CLDN14: variants seen among roughly 807,000 people sequenced by gnomAD.
CLDN14 encodes the protein claudin 14.
A neutral mutation model predicts 2.1 loss-of-function variants in CLDN14; 2 were observed. That is an observed-to-expected ratio of 0.96 (90% CI 0.39 to 3.01). The LOEUF (loss-of-function observed/expected upper bound fraction) is 3.01, where lower values mean the gene tolerates loss of function less well. Ranked by LOEUF, CLDN14 falls within the 30% of genes most tolerant of loss-of-function variation. The pLI is 0.09. For missense variants in CLDN14, 298 were observed against 328.0 expected, an observed-to-expected ratio of 0.91 and a Z score of 0.71; for synonymous variants, 136 against 154.4, an observed-to-expected ratio of 0.88 and a Z score of 0.88.
At chr21:36,500,450 TAGAC>T (rs1369168456) in intron 2 of CLDN14, among the ~76,000 whole-genome samples, 1 of 152,244 alleles carries the variant, frequency 6.6e-6, no homozygotes, top group Non-Finnish European at 1.5e-5. Context: ...ATTTTAAATT[TAGAC>T]AGAGTCTTGT....
At chr21:36,569,463 A>G (rs2087693928) in intron 1 of CLDN14, among the ~76,000 whole-genome samples, 1 of 152,326 alleles carries the variant, frequency 6.6e-6, no homozygotes, top group African/African-American at 2.4e-5. Flanking sequence ...TAGGCTATAT[A>G]TCAGCATTAC....
intron 1 of CLDN14, among the ~76,000 whole-genome samples, chr21:36,523,873 G>A (rs1169668892): frequency 6.6e-6 from 1 of 151,906 alleles, no homozygotes; most frequent in African/African-American, 2.4e-5. Context: ...AATAACAGGT[G>A]GGAAGGGACT....
At chr21:36,490,385 A>ATTTTTTTTTTTT (rs71198817) in intron 2 of CLDN14, among the ~76,000 whole-genome samples, 44 of 102,046 alleles carry the variant, frequency 4.3e-4, no homozygotes, top group African/African-American at 7.5e-4. Context: ...TTTTTTTTTA[A>ATTTTTTTTTTTT]TTTTTTTTTT....
chr21:36,542,319 G>A (rs912022686), intron 1 of CLDN14, among the ~76,000 whole-genome samples: 1 of 152,178 alleles, frequency 6.6e-6, no homozygotes, highest in Admixed American at 6.5e-5. Context: ...CACGCTGCCC[G>A]GAAAATTCTG....
At chr21:36,533,963 C>T (rs1188872492) in intron 1 of CLDN14, among the ~76,000 whole-genome samples, 2 of 152,118 alleles carry the variant, frequency 1.3e-5, no homozygotes, top group Non-Finnish European at 2.9e-5. Flanking sequence ...CCTATATAAC[C>T]GACCTGCACA....
intron 1 of CLDN14, among the ~76,000 whole-genome samples, chr21:36,469,807 T>C (rs2086687759): frequency 6.6e-6 from 1 of 152,152 alleles, no homozygotes; most frequent in Non-Finnish European, 1.5e-5. Context: ...CTCACCAAAT[T>C]TCATTAGAAT....
At chr21:36,485,627 C>G (rs1314555562) in intron 2 of CLDN14, among the ~76,000 whole-genome samples, 1 of 152,202 alleles carries the variant, frequency 6.6e-6, no homozygotes, top group Admixed American at 6.5e-5. Context: ...AGTTCATTTC[C>G]AAATACAGAG....
intron 2 of CLDN14, among the ~76,000 whole-genome samples, chr21:36,492,796 G>C (rs1368175591): frequency 6.6e-6 from 1 of 152,226 alleles, no homozygotes; most frequent in East Asian, 1.9e-4. Flanking sequence ...AGGAGACCTG[G>C]AGCCACCAGG....
In CLDN14 at chr21:36,469,111, G is replaced by A. The variant is rs375908807; in HGVS notation, c.-81-7335C>T. Among the ~76,000 whole-genome samples, 15 of 152,244 alleles carry A rather than the reference G, an allele frequency of 9.9e-5. No homozygotes were observed. The East Asian group carries it at 1.7e-3, about 18-fold the overall frequency. On this transcript the variant is annotated intron_variant, in intron 1 of 1. Transcript: ENST00000399135. ...TGGACACTGTGTTTCTTAATCATGT[G>A]CGAAACAAACGCATATCTTTTCAAG...
chr21:36,575,954 C>T (rs1191320337), intron 1 of CLDN14, among the ~76,000 whole-genome samples: 3 of 152,148 alleles, frequency 2.0e-5, no homozygotes, highest in South Asian at 2.1e-4. Flanking sequence ...CATCCAGAAA[C>T]GCATTGAATT....
intron 1 of CLDN14, among the ~76,000 whole-genome samples, chr21:36,514,070 G>T (rs1199277151): frequency 6.6e-6 from 1 of 151,910 alleles, no homozygotes; most frequent in African/African-American, 2.4e-5. Context: ...TGCCCAGGCT[G>T]GTCTCAAACT....
In CLDN14 at chr21:36,461,510, G is replaced by T. The variant is rs1234859445; in HGVS notation, c.186C>A (p.Tyr62Ter). 1 of 1,613,266 alleles carries T rather than the reference G, an allele frequency of 6.2e-7. No homozygotes were observed. The highest frequency in any genetic ancestry group is 1.3e-5 in the African/African-American group (1 of 74,936). ...MECVWHSTGI[Y>*]QCQIYRSLLA... The stretch of plus-strand genomic sequence containing the variant: ...GCAGGGATCGGTAGATCTGGCACTG[G>T]TAGATGCCTGTGCTGTGCCACACAC... Residue 62 changes from tyrosine to a stop codon, truncating the protein, a stop_gained, in exon 2 of 2, where the codon TAC becomes TAA. Coordinates refer to ENST00000399135, the MANE Select transcript of CLDN14 (RefSeq NM_001146079.2). LOFTEE classifies it low-confidence loss of function (END_TRUNC).
At chr21:36,545,208 T>A (rs915377131) in intron 1 of CLDN14, among the ~76,000 whole-genome samples, 1 of 152,190 alleles carries the variant, frequency 6.6e-6, no homozygotes, top group Non-Finnish European at 1.5e-5. Flanking sequence ...AAGAATTGAT[T>A]TTTAAGAAAC....
At chr21:36,502,359 A>G (rs1330620997) in intron 2 of CLDN14, among the ~76,000 whole-genome samples, 1 of 152,208 alleles carries the variant, frequency 6.6e-6, no homozygotes, top group Non-Finnish European at 1.5e-5. Context: ...GTGGTATCAC[A>G]TTATACTACT....
chr21:36,573,752 T>C (rs2087724563), intron 1 of CLDN14, among the ~76,000 whole-genome samples: 1 of 152,170 alleles, frequency 6.6e-6, no homozygotes, highest in African/African-American at 2.4e-5. Flanking sequence ...CAAAACTCAG[T>C]TATATTTCTA....
upstream of CLDN14, among the ~76,000 whole-genome samples, chr21:36,484,380 T>C (rs948007206): frequency 6.6e-6 from 1 of 152,076 alleles, no homozygotes; most frequent in Non-Finnish European, 1.5e-5. Flanking sequence ...GGCCAGAGCA[T>C]TGGTGTTTTG....
intron 1 of CLDN14, among the ~76,000 whole-genome samples, chr21:36,554,328 A>G (rs1389804063): frequency 6.6e-6 from 1 of 152,124 alleles, no homozygotes; most frequent in Non-Finnish European, 1.5e-5. Context: ...TTCCTGCTGC[A>G]GGCCTGGTCC....
chr21:36,500,313 G>A (rs536091433), intron 2 of CLDN14, among the ~76,000 whole-genome samples: 9 of 152,280 alleles, frequency 5.9e-5, no homozygotes, highest in Middle Eastern at 3.4e-3. Context: ...TTGCAGCCTC[G>A]GACCTGTTAC....
At chr21:36,515,849 C>G (rs549976336) in intron 1 of CLDN14, among the ~76,000 whole-genome samples, 19 of 138,968 alleles carry the variant, frequency 1.4e-4, no homozygotes, top group Admixed American at 4.4e-4. Context: ...TGCATTGGCA[C>G]GATCTTGGCT....
Sources: gnomAD v4.1 joint callset for allele counts (sites outside exome capture counted in the v4.1 genomes callset) on GRCh38, gnomAD v4.1.1 for gene constraint, MANE v1.5 for transcripts, NCBI Gene and HGNC (gene_info 2026-07-23, HGNC 2026-07-21) for gene names.